The following TENM3 variants were observed in gnomAD, a reference collection of about 807,000 sequenced individuals.
TENM3 encodes teneurin transmembrane protein 3.
In TENM3, 63 loss-of-function variants were observed where a neutral mutation model predicts 255.1. That is an observed-to-expected ratio of 0.25 (90% CI 0.20 to 0.30). The LOEUF is 0.30. Among genes scored for constraint, TENM3 ranks in the 10% least tolerant of loss-of-function variants. TENM3 has a pLI of 1.00. For synonymous variants in TENM3, 1,306 were observed against 1,322.3 expected (o/e 0.99, Z 0.27); for missense variants, 2,929 against 3,461.1 (o/e 0.85, Z 3.86).
the TENM3 span, among the ~76,000 whole-genome samples, chr4:182,111,213 T>A: frequency 6.8e-6 from 1 of 147,022 alleles, no homozygotes; most frequent in Admixed American, 6.8e-5. Flanking sequence ...TTTTTTTTTT[T>A]AATTAGCCTT....
At chr4:181,656,599 T>C in the TENM3 span, among the ~76,000 whole-genome samples, 39 of 152,134 alleles carry the variant, frequency 2.6e-4, no homozygotes, top group South Asian at 7.9e-3. Flanking sequence ...CATCAGGCAG[T>C]TTAAAATATA....
the TENM3 span, among the ~76,000 whole-genome samples, chr4:181,471,412 A>G: frequency 6.6e-6 from 1 of 152,186 alleles, no homozygotes; most frequent in African/African-American, 2.4e-5. Context: ...AGCAGTCTAT[A>G]AGAAGACTCA....
chr4:181,794,697 T>TGTGTGTGC, the TENM3 span, among the ~76,000 whole-genome samples: 1 of 151,954 alleles, frequency 6.6e-6, no homozygotes, highest in Admixed American at 6.6e-5. Context: ...TGTGTGTGTG[T>TGTGTGTGC]GTACAGCACT....
chr4:181,513,108 A>G, the TENM3 span, among the ~76,000 whole-genome samples: 7 of 152,226 alleles, frequency 4.6e-5, no homozygotes, highest in African/African-American at 1.4e-4. Flanking sequence ...AAAGTTGTCT[A>G]TAGTAAACAT....
chr4:182,246,481 T>C (rs1296120481), intron 1 of TENM3, among the ~76,000 whole-genome samples: 1 of 152,048 alleles, frequency 6.6e-6, no homozygotes, highest in Non-Finnish European at 1.5e-5. Context: ...AAAGCCATTG[T>C]TGACAGGAAG....
intron 1 of TENM3, among the ~76,000 whole-genome samples, chr4:182,294,668 T>C (rs76781526): frequency 2.2e-3 from 336 of 152,308 alleles, no homozygotes; most frequent in African/African-American, 7.6e-3. Context: ...GGAAAGGAAC[T>C]GGGAATCCAA....
chr4:182,199,172 GC>G (rs1162363880), intron 1 of TENM3, among the ~76,000 whole-genome samples: 7 of 152,070 alleles, frequency 4.6e-5, no homozygotes, highest in Admixed American at 4.6e-4. Flanking sequence ...AAGAATCATT[GC>G]ACATTTCAGG....
At chr4:181,651,713 C>T in the TENM3 span, among the ~76,000 whole-genome samples, 115 of 152,166 alleles carry the variant, frequency 7.6e-4, no homozygotes, top group Middle Eastern at 3.4e-3. Flanking sequence ...CACCAAGGAA[C>T]GCTGAACTTC....
chr4:181,468,064 G>A, the TENM3 span, among the ~76,000 whole-genome samples: 2 of 151,772 alleles, frequency 1.3e-5, no homozygotes, highest in Non-Finnish European at 2.9e-5. Flanking sequence ...GGGAGGCCGA[G>A]GCAGGTGGGT....
At chr4:181,769,669 A>G in the TENM3 span, among the ~76,000 whole-genome samples, 1 of 152,232 alleles carries the variant, frequency 6.6e-6, no homozygotes, top group East Asian at 1.9e-4. Context: ...AGCCATTTGC[A>G]GTGATTAGGT....
At chr4:181,764,922 T>C in the TENM3 span, among the ~76,000 whole-genome samples, 1 of 152,024 alleles carries the variant, frequency 6.6e-6, no homozygotes, top group African/African-American at 2.4e-5. Flanking sequence ...CTTGAACTCC[T>C]GGGCTCAAGG....
the TENM3 span, among the ~76,000 whole-genome samples, chr4:181,496,755 C>T: frequency 1.3e-5 from 2 of 152,094 alleles, no homozygotes; most frequent in Non-Finnish European, 2.9e-5. Flanking sequence ...AATAATGGGA[C>T]CTCTAAGTGT....
intron 3 of TENM3, among the ~76,000 whole-genome samples, chr4:182,413,131 C>T (rs959300339): frequency 1.3e-5 from 2 of 151,686 alleles, no homozygotes; most frequent in African/African-American, 4.8e-5. Flanking sequence ...AAATGATAGT[C>T]TACAAAGTAT....
At chr4:181,826,231 A>G in the TENM3 span, among the ~76,000 whole-genome samples, 1 of 152,196 alleles carries the variant, frequency 6.6e-6, no homozygotes, top group African/African-American at 2.4e-5. Context: ...CTTGAAATGA[A>G]TAGTTATCTG....
the TENM3 span, among the ~76,000 whole-genome samples, chr4:181,810,651 G>A: frequency 6.6e-6 from 1 of 152,028 alleles, no homozygotes; most frequent in Non-Finnish European, 1.5e-5. Context: ...ATATATACAT[G>A]TGCAATGAAC....
the TENM3 span, among the ~76,000 whole-genome samples, chr4:182,075,634 A>T: frequency 6.6e-6 from 1 of 152,096 alleles, no homozygotes; most frequent in Non-Finnish European, 1.5e-5. Context: ...ATTTTCTCCC[A>T]ATCCATATCA....
chr4:182,529,907 A>G (rs1739602936), intron 3 of TENM3, among the ~76,000 whole-genome samples: 1 of 152,228 alleles, frequency 6.6e-6, no homozygotes, highest in Non-Finnish European at 1.5e-5. Context: ...TAGTGAGGAG[A>G]GACCAATATT....
At chr4:182,713,504 G>A (rs182133669) in intron 12 of TENM3, among the ~76,000 whole-genome samples, 29 of 152,184 alleles carry the variant, frequency 1.9e-4, no homozygotes, top group African/African-American at 7.0e-4. Flanking sequence ...ATTAATCCTG[G>A]CCTATACTTT....
At chr4:181,628,546 A>G in the TENM3 span, among the ~76,000 whole-genome samples, 1 of 152,194 alleles carries the variant, frequency 6.6e-6, no homozygotes, top group Non-Finnish European at 1.5e-5. Flanking sequence ...TCAGCTTTCT[A>G]CATATGGCTA....
Sources: gnomAD v4.1 joint callset for allele counts (sites outside exome capture counted in the v4.1 genomes callset) on GRCh38, gnomAD v4.1.1 for gene constraint, MANE v1.5 for transcripts, NCBI Gene and HGNC (gene_info 2026-07-23, HGNC 2026-07-21) for gene names.